Variants in TBC1D5 observed in about 807,000 individuals in gnomAD.
The protein encoded by TBC1D5 is TBC1 domain family, member 5.
A neutral mutation model predicts 100.3 loss-of-function variants in TBC1D5; 75 were observed. That is an observed-to-expected ratio of 0.75 (90% confidence interval 0.62 to 0.91). TBC1D5 has a LOEUF of 0.91. TBC1D5 is among the 40% of genes least tolerant of loss of function. TBC1D5 has a pLI of 0.00. For missense variants in TBC1D5, 910 were observed against 942.4 expected, an observed-to-expected ratio of 0.97 and a Z score of 0.45; for synonymous variants, 323 against 325.6, an observed-to-expected ratio of 0.99 and a Z score of 0.09.
intron 16 of TBC1D5, among the ~76,000 whole-genome samples, chr3:17,243,139 C>A (rs559224317): frequency 6.6e-6 from 1 of 152,126 alleles, no homozygotes; most frequent in African/African-American, 2.4e-5. Flanking sequence ...TCTTTTAGGA[C>A]GGTCATAATC....
intron 19 of TBC1D5, among the ~76,000 whole-genome samples, chr3:17,178,622 TCCCA>T (rs1559358670): frequency 6.6e-6 from 1 of 152,118 alleles, no homozygotes; most frequent in African/African-American, 2.4e-5. Context: ...CAATTTATGT[TCCCA>T]CCAACAATGA....
At chr3:17,694,123 T>C (rs556922352) in intron 1 of TBC1D5, among the ~76,000 whole-genome samples, 2 of 152,128 alleles carry the variant, frequency 1.3e-5, no homozygotes, top group African/African-American at 4.8e-5. Context: ...GTGGATAAAA[T>C]CACAAAGATG....
chr3:17,555,764 A>G (rs565602187), intron 2 of TBC1D5, among the ~76,000 whole-genome samples: 2 of 152,306 alleles, frequency 1.3e-5, no homozygotes, highest in Admixed American at 1.3e-4. Flanking sequence ...TTGTTATCTT[A>G]GTGCTACAAA....
chr3:17,305,568 C>T (rs1575229232), intron 14 of TBC1D5, among the ~76,000 whole-genome samples: 1 of 152,140 alleles, frequency 6.6e-6, no homozygotes, highest in Non-Finnish European at 1.5e-5. Flanking sequence ...TTGACACTGA[C>T]ATTTAACTTT....
intron 1 of TBC1D5, among the ~76,000 whole-genome samples, chr3:17,736,369 T>TA (rs1317669120): frequency 6.6e-6 from 1 of 152,112 alleles, no homozygotes; most frequent in Admixed American, 6.6e-5. Context: ...ACCCCAATCT[T>TA]AGAGAAATGA....
intron 8 of TBC1D5, among the ~76,000 whole-genome samples, chr3:17,395,299 A>G (rs149161010): frequency 2.0e-3 from 312 of 152,200 alleles, no homozygotes; most frequent in African/African-American, 7.1e-3. Flanking sequence ...AATGGTAAAA[A>G]ATTAGGAAAA....
intron 2 of TBC1D5, among the ~76,000 whole-genome samples, chr3:17,528,709 T>C (rs1560091841): frequency 6.6e-6 from 1 of 152,104 alleles, no homozygotes; most frequent in Non-Finnish European, 1.5e-5. Context: ...ATATATACTC[T>C]AGTAAGCACC....
chr3:17,472,145 CTT>C (rs1205250326), intron 3 of TBC1D5, among the ~76,000 whole-genome samples: 3 of 137,426 alleles, frequency 2.2e-5, no homozygotes, highest in Non-Finnish European at 1.6e-5. Context: ...TTTTTTTTTT[CTT>C]TTTTTTTTTT....
Position 17,541,196 on chromosome 3 carries a change from C to CAA in TBC1D5, c.-35-32593_-35-32592dup, listed in dbSNP as rs201255674. ...TAAGGATATGCTTTTCTATTTCTTC[C>CAA]AAAAAAAAAAAAAAAAGTCATTGGG... On this transcript the variant is annotated intron_variant, in intron 2 of 21. Coordinates refer to ENST00000253692, the Ensembl canonical transcript of TBC1D5. 1.9e-3 allele frequency among the ~76,000 whole-genome samples: 204 copies of CAA among 109,600 alleles called. 1 individual carries two copies. The highest frequency in any genetic ancestry group is 5.5e-3 in the African/African-American group (184 of 33,156). 71.9% of individuals were successfully genotyped at this position (109,600 alleles called of 152,430 possible).
chr3:17,200,351 G>C (rs2071307510), intron 18 of TBC1D5, among the ~76,000 whole-genome samples: 1 of 152,244 alleles, frequency 6.6e-6, no homozygotes. Context: ...CTGCACAGTA[G>C]GAGGTGAGCA....
chr3:17,238,153 T>A lies in TBC1D5; in HGVS notation c.1588+10A>T. 1 of 1,609,624 alleles carries A rather than the reference T, an allele frequency of 6.2e-7. No individual in the cohort carries two copies. Among genetic ancestry groups the A allele is most frequent in the African/African-American group, 1.3e-5 (1 of 74,820 alleles). On this transcript the variant is annotated intron_variant, in intron 17 of 21. Coordinates refer to ENST00000253692, the Ensembl canonical transcript of TBC1D5. Reference sequence around the variant, plus strand: ...ATGTTTTCTTTAGATTTACTAGTATTTTTTCCTACCTTTGTTCAATTGCAC... The same window carrying A: ...ATGTTTTCTTTAGATTTACTAGTATATTTTCCTACCTTTGTTCAATTGCAC...
intron 2 of TBC1D5, among the ~76,000 whole-genome samples, chr3:17,592,075 C>T (rs1318060761): frequency 6.6e-6 from 1 of 152,212 alleles, no homozygotes; most frequent in East Asian, 1.9e-4. Context: ...GGTATGCAGC[C>T]ATTGACCTGG....
intron 2 of TBC1D5, among the ~76,000 whole-genome samples, chr3:17,559,462 A>G (rs1394357192): frequency 6.6e-6 from 1 of 152,136 alleles, no homozygotes; most frequent in Non-Finnish European, 1.5e-5. Flanking sequence ...TTAAATGACA[A>G]GGAAAATAAG....
intron 1 of TBC1D5, among the ~76,000 whole-genome samples, chr3:17,716,568 T>A (rs761793966): frequency 6.6e-6 from 1 of 152,050 alleles, no homozygotes; most frequent in Non-Finnish European, 1.5e-5. Context: ...ATTAAACATA[T>A]TTCATATAGT....
intron 13 of TBC1D5, among the ~76,000 whole-genome samples, chr3:17,320,541 CT>C (rs1254402322): frequency 5.3e-5 from 8 of 152,222 alleles, no homozygotes; most frequent in Non-Finnish European, 1.2e-4. Context: ...ACAGGGAGGA[CT>C]CCTTTCCCAG....
chr3:17,192,337 T>A (rs768312347), intron 18 of TBC1D5, among the ~76,000 whole-genome samples: 1 of 149,554 alleles, frequency 6.7e-6, no homozygotes, highest in Non-Finnish European at 1.5e-5. Context: ...CGACACTAAA[T>A]AGAGAAACTT....
chr3:17,169,865 G>A (rs9985363), intron 19 of TBC1D5, among the ~76,000 whole-genome samples: 6 of 152,128 alleles, frequency 3.9e-5, no homozygotes, highest in African/African-American at 4.8e-5. Context: ...AAATGGTTTC[G>A]CGATGAAACT....
chr3:17,330,279 C>A (rs1228732255), intron 13 of TBC1D5, among the ~76,000 whole-genome samples: 2 of 152,144 alleles, frequency 1.3e-5, no homozygotes, highest in African/African-American at 4.8e-5. Flanking sequence ...GGCGAAACTC[C>A]AAACCTGCAG....
intron 16 of TBC1D5, among the ~76,000 whole-genome samples, chr3:17,242,096 C>T (rs1559475216): frequency 6.6e-6 from 1 of 152,166 alleles, no homozygotes; most frequent in African/African-American, 2.4e-5. Context: ...TTATTGCCCA[C>T]TTGATGTCTT....
Sources: allele counts gnomAD v4.1 joint callset (sites outside exome capture counted in the v4.1 genomes callset), GRCh38; gene constraint gnomAD v4.1.1; transcripts MANE v1.5; gene names NCBI Gene and HGNC (gene_info 2026-07-23, HGNC 2026-07-21).